The following IL16 variants were observed in gnomAD, a reference collection of about 807,000 sequenced individuals.
The protein encoded by IL16 is interleukin 16.
IL16 carries 67 observed loss-of-function variants against 110.1 expected under a neutral mutation model. The observed-to-expected ratio is 0.61, with a 90% CI of 0.50 to 0.75. The LOEUF (loss-of-function observed/expected upper bound fraction) is 0.75. Among genes scored for constraint, IL16 ranks in the 30% least tolerant of loss-of-function variants. IL16 has a pLI of 0.00. For missense variants in IL16, 1,545 were observed against 1,655.0 expected (o/e 0.93, Z 1.15); for synonymous variants, 689 against 662.9 (o/e 1.04, Z -0.61).
In IL16 at chr15:81,197,127, T is replaced by C; in HGVS notation, c.-127T>C. The C allele has an allele frequency of 7.8e-7, 1 of 1,288,442 alleles. No individual in the cohort carries two copies. The highest frequency in any genetic ancestry group is 1.0e-6 in the Non-Finnish European group (1 of 988,372). 79.8% of individuals were successfully genotyped at this position (1,288,442 alleles called of 1,614,324 possible). On this transcript the variant is annotated 5_prime_UTR_variant, in exon 1 of 19. Coordinates refer to ENST00000683961, the MANE Select transcript of IL16 (RefSeq NM_172217.5). ...GGGAGATGGCAGCCCCGGGGGACTG[T>C]GCATAGGGAGGTAGGTGGGCACCAG...
chr15:81,227,649 C>T (rs2142045889), intron 2 of IL16, among the ~76,000 whole-genome samples: 1 of 152,168 alleles, frequency 6.6e-6, no homozygotes, highest in South Asian at 2.1e-4. Flanking sequence ...GGATGGGAAG[C>T]CATGGGAGGA....
chr15:81,203,187 A>G (rs1895887079), intron 1 of IL16, among the ~76,000 whole-genome samples: 1 of 149,836 alleles, frequency 6.7e-6, no homozygotes, highest in African/African-American at 2.5e-5. Context: ...TTTCTTGTAA[A>G]TTTGTTTGAG....
At chr15:81,304,893 G>A (rs1900474332) in intron 16 of IL16, among the ~76,000 whole-genome samples, 1 of 152,196 alleles carries the variant, frequency 6.6e-6, no homozygotes, top group Non-Finnish European at 1.5e-5. Flanking sequence ...CCACATTTTA[G>A]TGGTTTCCAT....
chr15:81,203,778 T>G (rs993792975), intron 1 of IL16, among the ~76,000 whole-genome samples: 1 of 152,250 alleles, frequency 6.6e-6, no homozygotes, highest in African/African-American at 2.4e-5. Flanking sequence ...TTTGTTCTTT[T>G]GGCTTAGGAT....
intron 10 of IL16, among the ~76,000 whole-genome samples, chr15:81,287,043 TC>T (rs1899483902): frequency 6.6e-6 from 1 of 152,020 alleles, no homozygotes; most frequent in Non-Finnish European, 1.5e-5. Context: ...TCCCACCAGG[TC>T]CCTCCCACAA....
intron 2 of IL16, among the ~76,000 whole-genome samples, chr15:81,253,237 C>G (rs755590971): frequency 1.3e-5 from 2 of 151,990 alleles, no homozygotes; most frequent in South Asian, 2.1e-4. Context: ...TGTTGAATAT[C>G]TTTTTATGTG....
intron 3 of IL16, among the ~76,000 whole-genome samples, chr15:81,263,638 A>T (rs768935012): frequency 6.6e-5 from 10 of 152,160 alleles, no homozygotes; most frequent in Non-Finnish European, 1.3e-4. Flanking sequence ...ACCCCCACAC[A>T]AGTGGAGCTG....
rs115472777 is a variant in IL16, at chr15:81,282,890, G to A, written c.1199+134G>A. On this transcript the variant is annotated intron_variant, in intron 9 of 18. Transcript: ENST00000683961. The stretch of plus-strand genomic sequence containing the variant: ...GTGGTGGAGATCAGCCGCTCCGCCC[G>A]CCAGGACACCCCCTGTTGTGGGCAC... The A allele has an allele frequency of 5.4e-3, 4,177 of 777,950 alleles. 119 individuals are homozygous for A. In the African/African-American group the frequency reaches 0.063, roughly 12 times the overall value. The allele number at this position is 777,950 out of a possible 1,614,324, so 48.2% of individuals were successfully genotyped here.
intron 6 of IL16, among the ~76,000 whole-genome samples, chr15:81,278,179 G>A (rs921430249): frequency 1.3e-5 from 2 of 152,074 alleles, no homozygotes; most frequent in Non-Finnish European, 2.9e-5. Context: ...TGAGCAATCT[G>A]TAGACCTCAT....
chr15:81,204,533 G>A (rs1260541142), intron 1 of IL16, among the ~76,000 whole-genome samples: 1 of 151,942 alleles, frequency 6.6e-6, no homozygotes, highest in Non-Finnish European at 1.5e-5. Flanking sequence ...TTAGCATGAT[G>A]GGTTGTTGAA....
chr15:81,305,564 AG>A (rs1282659336), intron 16 of IL16, among the ~76,000 whole-genome samples: 4 of 152,320 alleles, frequency 2.6e-5, no homozygotes, highest in Non-Finnish European at 4.4e-5. Flanking sequence ...CCATAGAATC[AG>A]TGCCTTGAGA....
intron 1 of IL16, among the ~76,000 whole-genome samples, chr15:81,200,557 G>C (rs113438694): frequency 2.1e-4 from 32 of 151,910 alleles, no homozygotes; most frequent in Admixed American, 7.9e-4. Flanking sequence ...TTTTATTAGA[G>C]ATGGGGTTTT....
chr15:81,263,966 C>T (rs555575098), intron 3 of IL16, among the ~76,000 whole-genome samples: 58 of 152,160 alleles, frequency 3.8e-4, no homozygotes, highest in Non-Finnish European at 5.7e-4. Flanking sequence ...GGACAAATGA[C>T]GAGCCACCTG....
intron 15 of IL16, chr15:81,302,267 A>C (rs946492197): frequency 6.6e-6 from 1 of 152,242 alleles, no homozygotes; most frequent in African/African-American, 2.4e-5. Flanking sequence ...GATGAGCCCA[A>C]GGTGCTGCTG....
chr15:81,230,381 A>G (rs1896930245), intron 2 of IL16, among the ~76,000 whole-genome samples: 1 of 152,188 alleles, frequency 6.6e-6, no homozygotes, highest in South Asian at 2.1e-4. Context: ...CGAAAGGTCA[A>G]ACTCTCCCTC....
At chr15:81,183,529 C>T (rs1197389268) in intron 1 of IL16, among the ~76,000 whole-genome samples, 2 of 152,174 alleles carry the variant, frequency 1.3e-5, no homozygotes, top group Non-Finnish European at 2.9e-5. Flanking sequence ...CCCTTCTGCC[C>T]AACTTTTAAA....
rs1420826567 is a variant in IL16, at chr15:81,197,346, CAGTT to C, written c.-102+197_-102+200del. Among the ~76,000 whole-genome samples the C allele has an allele frequency of 1.3e-5, 2 of 152,176 alleles. 1 individual carries two copies. The highest frequency in any genetic ancestry group is 2.9e-5 in the Non-Finnish European group (2 of 68,026). The stretch of plus-strand genomic sequence containing the variant: ...TAGGAATCTCTGTGTCACCATGTCA[CAGTT>C]AGGTACAGGAGGAAGCAGCTTCAGA... On this transcript the variant is annotated intron_variant, in intron 1 of 18. Transcript: ENST00000683961.
intron 3 of IL16, among the ~76,000 whole-genome samples, chr15:81,262,191 T>C (rs1567023692): frequency 6.6e-6 from 1 of 152,242 alleles, no homozygotes; most frequent in Non-Finnish European, 1.5e-5. Flanking sequence ...TTATCATTAA[T>C]TTATAAAAAG....
Position 81,222,374 on chromosome 15 carries a change from GTTT to G in IL16, c.-101-2910_-101-2908del, listed in dbSNP as rs3086708. Among the ~76,000 whole-genome samples, 168 of 137,070 alleles carry G rather than the reference GTTT, an allele frequency of 1.2e-3. 1 individual carries two copies. The highest frequency in any genetic ancestry group is 7.7e-3 in the Middle Eastern group (2 of 260). 89.9% of individuals were successfully genotyped at this position (137,070 alleles called of 152,430 possible). On this transcript the variant is annotated intron_variant, in intron 1 of 18. Coordinates refer to ENST00000683961, the MANE Select transcript of IL16 (RefSeq NM_172217.5). ...AGAGAAGAGCTACTATTCCAGGAGG[GTTT>G]TTTTTTTTTTTTTTAAGCAAAAAGA...
Sources: allele counts gnomAD v4.1 joint callset (sites outside exome capture counted in the v4.1 genomes callset), GRCh38; gene constraint gnomAD v4.1.1; transcripts MANE v1.5; gene names NCBI Gene and HGNC (gene_info 2026-07-23, HGNC 2026-07-21).